The following REC114 variants were observed in gnomAD, a reference collection of about 807,000 sequenced individuals.
The protein encoded by REC114 is meiotic recombination protein REC114.
A neutral mutation model predicts 31.3 loss-of-function variants in REC114; 27 were observed. That is an observed-to-expected ratio of 0.86 (90% CI 0.64 to 1.19). REC114 has a LOEUF of 1.19. Ranked by LOEUF, REC114 falls within the 50% of genes most tolerant of loss-of-function variation. The probability of loss-of-function intolerance (pLI) is 0.00; values close to 1 mark genes in which losing one functional copy is unlikely to be tolerated. For missense variants in REC114, 344 were observed against 326.9 expected (o/e 1.05, Z -0.40); for synonymous variants, 134 against 127.7 (o/e 1.05, Z -0.33).
chr15:73,472,193 T>G (rs1893142500), intron 1 of REC114, among the ~76,000 whole-genome samples: 1 of 152,246 alleles, frequency 6.6e-6, no homozygotes. Flanking sequence ...ACTGTAGTTG[T>G]GAAAGCTGTA....
chr15:73,496,662 A>T (rs1450346900), intron 2 of REC114, among the ~76,000 whole-genome samples: 1 of 151,996 alleles, frequency 6.6e-6, no homozygotes, highest in East Asian at 1.9e-4. Flanking sequence ...AAAAAAAAAA[A>T]AAAAAAATTG....
chr15:73,534,481 A>G (rs969570592), intron 2 of REC114, among the ~76,000 whole-genome samples: 1 of 152,222 alleles, frequency 6.6e-6, no homozygotes, highest in African/African-American at 2.4e-5. Flanking sequence ...CTAAACCAGG[A>G]AGAAGTTGAA....
At chr15:73,535,134 C>T (rs1220198405) in intron 2 of REC114, among the ~76,000 whole-genome samples, 2 of 143,030 alleles carry the variant, frequency 1.4e-5, no homozygotes, top group African/African-American at 5.5e-5. Context: ...CAGGGATGCC[C>T]TCTCTCACCA....
intron 2 of REC114, among the ~76,000 whole-genome samples, chr15:73,510,052 T>C (rs1335828363): frequency 1.3e-5 from 2 of 152,090 alleles, no homozygotes; most frequent in Non-Finnish European, 2.9e-5. Flanking sequence ...ATTTTCACAA[T>C]ATTGATTCTT....
intron 2 of REC114, among the ~76,000 whole-genome samples, chr15:73,510,902 C>G (rs1489053716): frequency 1.3e-5 from 2 of 152,024 alleles, no homozygotes. Context: ...GTCTAAAATT[C>G]TCTTTTTTGG....
At chr15:73,462,401 A>G (rs970046106) in intron 1 of REC114, among the ~76,000 whole-genome samples, 4 of 152,152 alleles carry the variant, frequency 2.6e-5, no homozygotes, top group African/African-American at 9.7e-5. Context: ...GAATTAGGAC[A>G]TTATATTCAA....
At chr15:73,478,429 C>CT (rs1278880671) in intron 2 of REC114, among the ~76,000 whole-genome samples, 1 of 152,048 alleles carries the variant, frequency 6.6e-6, no homozygotes, top group Non-Finnish European at 1.5e-5. Context: ...TTTCTGGACT[C>CT]TTTTTTGTTC....
At chr15:73,461,696 G>A (rs1186806831) in intron 1 of REC114, among the ~76,000 whole-genome samples, 6 of 152,042 alleles carry the variant, frequency 3.9e-5, no homozygotes, top group Non-Finnish European at 8.8e-5. Flanking sequence ...GTATAAGCTT[G>A]TGATAGGGAG....
intron 1 of REC114, among the ~76,000 whole-genome samples, chr15:73,451,149 A>G (rs1892841332): frequency 2.0e-5 from 3 of 152,214 alleles, no homozygotes; most frequent in Non-Finnish European, 4.4e-5. Flanking sequence ...GCAGAACTGA[A>G]GGAGACAGAC....
chr15:73,462,317 G>T (rs889476139), intron 1 of REC114, among the ~76,000 whole-genome samples: 2 of 151,780 alleles, frequency 1.3e-5, no homozygotes, highest in Admixed American at 6.6e-5. Flanking sequence ...TTTCCCAAGG[G>T]CCAGAAATAA....
chr15:73,444,911 A>C (rs1179955796), intron 1 of REC114, among the ~76,000 whole-genome samples: 1 of 152,246 alleles, frequency 6.6e-6, no homozygotes, highest in Non-Finnish European at 1.5e-5. Context: ...AACAACATTC[A>C]TCTCTTTGTA....
chr15:73,493,576 G>T (rs372305926), intron 2 of REC114, among the ~76,000 whole-genome samples: 54 of 152,166 alleles, frequency 3.5e-4, no homozygotes, highest in African/African-American at 1.2e-3. Flanking sequence ...AGGCCTGAGG[G>T]TGGATTCATC....
At chr15:73,462,643 T>C (rs1027003653) in intron 1 of REC114, among the ~76,000 whole-genome samples, 6 of 152,162 alleles carry the variant, frequency 3.9e-5, no homozygotes, top group African/African-American at 1.4e-4. Flanking sequence ...CCCAGCACTT[T>C]GGGAGGCCGA....
intron 2 of REC114, among the ~76,000 whole-genome samples, chr15:73,521,358 A>G (rs1893933568): frequency 6.6e-6 from 1 of 152,248 alleles, no homozygotes; most frequent in African/African-American, 2.4e-5. Context: ...GGCCTAAGCT[A>G]TGCTTGAGGA....
chr15:73,475,858 C>T (rs1893205756), intron 2 of REC114, among the ~76,000 whole-genome samples: 1 of 152,192 alleles, frequency 6.6e-6, no homozygotes, highest in Non-Finnish European at 1.5e-5. Flanking sequence ...ACCACTCACT[C>T]ACCCAGAGCA....
At chr15:73,479,322 T>A (rs1482041753) in intron 2 of REC114, among the ~76,000 whole-genome samples, 1 of 149,960 alleles carries the variant, frequency 6.7e-6, no homozygotes, top group East Asian at 1.9e-4. Flanking sequence ...TTATATATAT[T>A]AATATACATA....
At chr15:73,452,786 T>C (rs1170694402) in intron 1 of REC114, among the ~76,000 whole-genome samples, 2 of 152,068 alleles carry the variant, frequency 1.3e-5, no homozygotes, top group African/African-American at 4.8e-5. Context: ...AAAACAGATA[T>C]ATAGACCAAT....
intron 1 of REC114, among the ~76,000 whole-genome samples, chr15:73,446,416 G>A (rs1595857185): frequency 6.6e-6 from 1 of 152,334 alleles, no homozygotes; most frequent in East Asian, 1.9e-4. Flanking sequence ...GAGGCAGGCG[G>A]ATCACCTGAG....
intron 2 of REC114, among the ~76,000 whole-genome samples, chr15:73,493,029 T>G (rs1296059829): frequency 2.0e-5 from 3 of 151,892 alleles, no homozygotes; most frequent in Non-Finnish European, 4.4e-5. Context: ...TTTATTTATT[T>G]TTTTTGAGAC....
Sources: allele counts gnomAD v4.1 joint callset (sites outside exome capture counted in the v4.1 genomes callset), GRCh38; gene constraint gnomAD v4.1.1; transcripts MANE v1.5; gene names NCBI Gene and HGNC (gene_info 2026-07-23, HGNC 2026-07-21).